MYL1: variants seen among roughly 807,000 people sequenced by gnomAD.
MYL1 encodes myosin light chain 1/3, skeletal muscle isoform.
A neutral mutation model predicts 21.8 loss-of-function variants in MYL1; 16 were observed. The observed-to-expected ratio is 0.74, with a 90% CI of 0.50 to 1.12. The LOEUF (loss-of-function observed/expected upper bound fraction) is 1.12, where lower values mean the gene tolerates loss of function less well. Among genes scored for constraint, MYL1 ranks in the 50% most tolerant of loss-of-function variants. The probability of loss-of-function intolerance (pLI) is 0.00; values close to 1 mark genes in which losing one functional copy is unlikely to be tolerated. For missense variants in MYL1, 246 were observed against 241.0 expected (o/e 1.02, Z -0.14); for synonymous variants, 99 against 85.2 (o/e 1.16, Z -0.89).
intron 3 of MYL1, among the ~76,000 whole-genome samples, chr2:210,295,478 A>C (rs1690159552): frequency 6.6e-6 from 1 of 151,942 alleles, no homozygotes; most frequent in Non-Finnish European, 1.5e-5. Context: ...TACAAAAAAA[A>C]CAAAAACAAA....
At chr2:210,302,757 A>G (rs1402555524) in intron 1 of MYL1, 2 of 1,566,288 alleles carry the variant, frequency 1.3e-6, no homozygotes, top group Admixed American at 3.7e-5. Flanking sequence ...AGACAAACTC[A>G]ATTCACTTAC....
At chr2:210,302,348 G>T in intron 2 of MYL1, 140 bp downstream of exon 2, 1 of 668,936 alleles carries the variant, frequency 1.5e-6, no homozygotes. Context: ...TATTTAGAGT[G>T]ATCGAGAGCA....
chr2:210,299,751 TCTGGGAAACCCAAAAGTA>T (rs1274854753), intron 2 of MYL1, among the ~76,000 whole-genome samples: 16 of 152,184 alleles, frequency 1.1e-4, no homozygotes, highest in Non-Finnish European at 1.8e-4. Flanking sequence ...GATTACATTT[TCTGGGAAACCCAAAAGTA>T]CTGCTGATGA....
At chr2:210,303,591 T>G (rs1575705591) in intron 1 of MYL1, 1 of 1,607,372 alleles carries the variant, frequency 6.2e-7, no homozygotes, top group Non-Finnish European at 8.5e-7. Flanking sequence ...GAAGAGTGAG[T>G]TGAGGGCTGC....
At chr2:210,308,011 G>A (rs373420168) in intron 1 of MYL1, among the ~76,000 whole-genome samples, 1 of 151,880 alleles carries the variant, frequency 6.6e-6, no homozygotes, top group African/African-American at 2.4e-5. Flanking sequence ...ATGTAATGTC[G>A]AATACTGGGG....
At position 210,298,306 on chromosome 2, in the gene MYL1, T is replaced by A; in HGVS notation, c.304+114A>T. 51 of 1,124,460 alleles carry A rather than the reference T, an allele frequency of 4.5e-5. No individual in the cohort carries two copies. The highest frequency in any genetic ancestry group is 1.2e-4 in the South Asian group (7 of 58,496). The allele number at this position is 1,124,460 out of a possible 1,614,324, so 69.7% of individuals were successfully genotyped here. On this transcript the variant is annotated intron_variant, in intron 3 of 6. Coordinates refer to ENST00000352451, the MANE Select transcript of MYL1 (RefSeq NM_079420.3). ...ATTTTTAAATCAATCTTTCTCTCTC[T>A]CACACACACACATACTACACACACA...
chr2:210,305,277 A>G (rs1403372735), intron 1 of MYL1, among the ~76,000 whole-genome samples: 3 of 152,230 alleles, frequency 2.0e-5, no homozygotes, highest in Admixed American at 2.0e-4. Flanking sequence ...TTGAAAATAC[A>G]ATTTTAAAAT....
chr2:210,301,336 T>C (rs1690262794), intron 2 of MYL1, among the ~76,000 whole-genome samples: 1 of 152,132 alleles, frequency 6.6e-6, no homozygotes, highest in South Asian at 2.1e-4. Context: ...TCAACCATGA[T>C]ACAGATGCAT....
At chr2:210,294,191 T>G in intron 4 of MYL1, 54 bp downstream of exon 4, 1 of 1,480,782 alleles carries the variant, frequency 6.8e-7, no homozygotes, top group Non-Finnish European at 9.0e-7. Flanking sequence ...TCTCCTGTCA[T>G]GTTCTTTTCT....
chr2:210,304,859 G>T (rs1001007563), intron 1 of MYL1, among the ~76,000 whole-genome samples: 1 of 152,144 alleles, frequency 6.6e-6, no homozygotes, highest in East Asian at 1.9e-4. Context: ...GAATTTTAAA[G>T]GTATCTAGGG....
intron 1 of MYL1, among the ~76,000 whole-genome samples, chr2:210,304,182 G>C (rs941949976): frequency 1.3e-5 from 2 of 152,162 alleles, no homozygotes; most frequent in African/African-American, 4.8e-5. Context: ...TCCAATTAAA[G>C]ATCACTCTTT....
chr2:210,293,385 A>T (rs775345054), intron 5 of MYL1, among the ~76,000 whole-genome samples: 107 of 152,354 alleles, frequency 7.0e-4, no homozygotes, highest in Non-Finnish European at 1.1e-3. Context: ...TAATTGCTTC[A>T]TATTAGTAAA....
chr2:210,309,744 A>G (rs1306325473), intron 1 of MYL1, among the ~76,000 whole-genome samples: 1 of 152,030 alleles, frequency 6.6e-6, no homozygotes, highest in Non-Finnish European at 1.5e-5. Context: ...TAATTATGGA[A>G]TGAGTTCTAA....
intron 1 of MYL1, among the ~76,000 whole-genome samples, chr2:210,305,073 A>G (rs554503144): frequency 1.3e-5 from 2 of 152,326 alleles, no homozygotes; most frequent in South Asian, 4.1e-4. Flanking sequence ...TAACTTGAGT[A>G]CTGCTTCAGC....
chr2:210,302,612 G>A (rs1575705211), intron 1 of MYL1, 97 bp from the exon 2 acceptor site: 1 of 1,510,648 alleles, frequency 6.6e-7, no homozygotes, highest in Non-Finnish European at 9.0e-7. Context: ...AATCTTCAAA[G>A]TAAGCTCCAA....
chr2:210,310,339 T>C (rs1690400878), intron 1 of MYL1, among the ~76,000 whole-genome samples: 1 of 152,062 alleles, frequency 6.6e-6, no homozygotes, highest in South Asian at 2.1e-4. Context: ...ACATGTGGCA[T>C]TGTATTTCTG....
chr2:210,315,050 T>A lies in MYL1; in HGVS notation c.-8A>T. ...GTCTTTCTTTGGTGCCATTTTTTTT[T>A]TTAAAAGGGTGGGTTAAAAAGAGAA... On this transcript the variant is annotated 5_prime_UTR_variant, in exon 1 of 7. Transcript: ENST00000352451. The A allele has an allele frequency of 1.3e-6, 2 of 1,593,072 alleles. No homozygotes were observed. The highest frequency in any genetic ancestry group is 1.7e-6 in the Non-Finnish European group (2 of 1,175,038).
chr2:210,314,725 C>G (rs1690464171), intron 1 of MYL1, among the ~76,000 whole-genome samples, 186 bp downstream of exon 1: 1 of 152,170 alleles, frequency 6.6e-6, no homozygotes, highest in Admixed American at 6.5e-5. Flanking sequence ...TGATACCATA[C>G]TCTAATAATT....
At position 210,294,289 on chromosome 2, in the gene MYL1, C is replaced by T; in HGVS notation, c.434G>A (p.Gly145Asp). ...GLRVFDKEGN[G>D]TVMGAELRHV... ...GCGGAGTTCAGCACCCATGACTGTG[C>T]CATTGCCTTCCTTGTCAAAGACACG... is the stretch of plus-strand genomic sequence containing the variant. The change falls in exon 4 of 7, where the codon GGC becomes GAC. Residue 145 changes from glycine to aspartate, a missense_variant. Coordinates refer to ENST00000352451, the MANE Select transcript of MYL1 (RefSeq NM_079420.3). The T allele has an allele frequency of 6.2e-7, 1 of 1,613,938 alleles. No individual in the cohort carries two copies. The highest frequency in any genetic ancestry group is 8.5e-7 in the Non-Finnish European group (1 of 1,179,914).
Sources: gnomAD v4.1 joint callset for allele counts (sites outside exome capture counted in the v4.1 genomes callset) on GRCh38, gnomAD v4.1.1 for gene constraint, MANE v1.5 for transcripts, NCBI Gene and HGNC (gene_info 2026-07-23, HGNC 2026-07-21) for gene names.